VWA8: variants seen among roughly 807,000 people sequenced by gnomAD.
The protein encoded by VWA8 is von Willebrand factor A domain containing 8.
A neutral mutation model predicts 241.5 loss-of-function variants in VWA8; 221 were observed. The ratio of observed to expected loss-of-function variants is 0.91; its 90% CI spans 0.82 to 1.02. The LOEUF (loss-of-function observed/expected upper bound fraction) is 1.02. VWA8 is among the 50% of genes least tolerant of loss of function. The pLI, the probability that VWA8 is intolerant of heterozygous loss-of-function variation, is 0.00. For synonymous variants in VWA8, 852 were observed against 827.1 expected, an observed-to-expected ratio of 1.03 and a Z score of -0.52; for missense variants, 2,322 against 2,328.7, an observed-to-expected ratio of 1.00 and a Z score of 0.06.
At chr13:41,628,616 A>G (rs918111878) in intron 37 of VWA8, among the ~76,000 whole-genome samples, 1 of 152,168 alleles carries the variant, frequency 6.6e-6, no homozygotes, top group African/African-American at 2.4e-5. Context: ...AAATAAAATC[A>G]TGTTTTTTGC....
In VWA8 at chr13:41,631,642, T is replaced by C. The variant is rs182525913; in HGVS notation, c.4612-16558A>G. On this transcript the variant is annotated intron_variant, in intron 37 of 44. Transcript: ENST00000379310. ...ACCTTATTTATTCATTCTCTTCTAT[T>C]TAAATTCAAGTAGGAATGAAAGATG... Among the ~76,000 whole-genome samples the C allele has an allele frequency of 3.0e-3, 461 of 152,196 alleles. 2 individuals carry two copies. Among genetic ancestry groups the C allele is most frequent in the African/African-American group, 0.01 (429 of 41,522 alleles).
intron 4 of VWA8, among the ~76,000 whole-genome samples, chr13:41,899,143 C>A (rs929811756): frequency 2.0e-5 from 3 of 152,226 alleles, no homozygotes; most frequent in African/African-American, 7.2e-5. Context: ...TGTCACCTCT[C>A]AGTATCACTC....
chr13:41,834,781 C>T (rs1296463270), intron 12 of VWA8, among the ~76,000 whole-genome samples: 4 of 152,070 alleles, frequency 2.6e-5, no homozygotes, highest in Non-Finnish European at 5.9e-5. Flanking sequence ...TACATACATG[C>T]GTATGTTCAC....
At position 41,701,405 on chromosome 13, in the gene VWA8, A is replaced by T. The variant is rs1016539172; in HGVS notation, c.3351T>A (p.Ile1117=). 1 of 1,603,342 alleles carries T rather than the reference A, an allele frequency of 6.2e-7. No individual in the cohort carries two copies. The highest frequency in any genetic ancestry group is 8.5e-7 in the Non-Finnish European group (1 of 1,176,522). ...AAGCAGACATACCATGTGATGTAGC[A>T]ATGTCACAGATTATATTAATTTCAT... The part of the protein sequence containing the change: ...PLDEINIICD[I]ATSHENEQNT... The change falls in exon 28 of 45, where the codon ATT becomes ATA. Residue 1117 remains isoleucine (I), a synonymous_variant. Transcript: ENST00000379310.
intron 20 of VWA8, among the ~76,000 whole-genome samples, chr13:41,763,290 A>AAAATAAAT (rs59623577): frequency 0.08 from 11,203 of 139,360 alleles, 586 homozygotes; most frequent in Middle Eastern, 0.16. Flanking sequence ...TCCACCTGTA[A>AAAATAAAT]AAATAAATAA....
intron 37 of VWA8, among the ~76,000 whole-genome samples, chr13:41,650,419 T>C (rs2139687390): frequency 6.6e-6 from 1 of 152,258 alleles, no homozygotes; most frequent in East Asian, 1.9e-4. Flanking sequence ...CTAACAAGCG[T>C]AGAAACATGA....
chr13:41,926,227 T>C lies in VWA8; in HGVS notation c.242-14059A>G, dbSNP rs762926231. 79 of 691,092 alleles carry C rather than the reference T, an allele frequency of 1.1e-4. 1 individual carries two copies. The highest frequency in any genetic ancestry group is 1.6e-4 in the Non-Finnish European group (60 of 374,758). 42.8% of individuals were successfully genotyped at this position (691,092 alleles called of 1,614,324 possible). On this transcript the variant is annotated intron_variant, in intron 2 of 44. Coordinates refer to ENST00000379310, the MANE Select transcript of VWA8 (RefSeq NM_015058.2). ...ACACTGCTGTCTCCCCACATGCATA[T>C]GTTACCTCATCTTCACTGTGGCCTC...
At chr13:41,783,265 A>T (rs1262530274) in intron 19 of VWA8, among the ~76,000 whole-genome samples, 2 of 149,538 alleles carry the variant, frequency 1.3e-5, no homozygotes, top group Admixed American at 6.7e-5. Context: ...TATAAAATTT[A>T]TTACCCTAAT....
At chr13:41,952,925 C>T (rs1202804797) in intron 1 of VWA8, among the ~76,000 whole-genome samples, 1 of 151,926 alleles carries the variant, frequency 6.6e-6, no homozygotes, top group Non-Finnish European at 1.5e-5. Flanking sequence ...TCATTACCGC[C>T]CCTAGGCCTG....
At chr13:41,645,083 C>A (rs1420452641) in intron 37 of VWA8, among the ~76,000 whole-genome samples, 1 of 152,106 alleles carries the variant, frequency 6.6e-6, no homozygotes. Flanking sequence ...ACTTATTAAC[C>A]GTGTAAGGCA....
At chr13:41,727,165 G>T in intron 24 of VWA8, 29 bp downstream of exon 24, 1 of 1,478,422 alleles carries the variant, frequency 6.8e-7, no homozygotes, top group Admixed American at 2.1e-5. Flanking sequence ...TACTGCTATT[G>T]GTATTGTTAT....
chr13:41,745,031 C>T (rs752845379), intron 21 of VWA8, among the ~76,000 whole-genome samples: 11 of 151,804 alleles, frequency 7.2e-5, no homozygotes, highest in South Asian at 4.2e-4. Flanking sequence ...TTAGTAGAGA[C>T]GGGTTTCACC....
intron 24 of VWA8, among the ~76,000 whole-genome samples, chr13:41,724,870 G>A (rs542382157): frequency 7.9e-5 from 12 of 152,256 alleles, no homozygotes; most frequent in African/African-American, 2.6e-4. Flanking sequence ...TTGGAGCTGC[G>A]AGGAGAGAGA....
At chr13:41,714,180 C>T (rs1482131857) in intron 26 of VWA8, among the ~76,000 whole-genome samples, 1 of 151,896 alleles carries the variant, frequency 6.6e-6, no homozygotes, top group Non-Finnish European at 1.5e-5. Context: ...AGAAAGCCAA[C>T]ATCTAAAAAA....
intron 4 of VWA8, among the ~76,000 whole-genome samples, chr13:41,901,198 G>A (rs970141273): frequency 6.9e-6 from 1 of 144,830 alleles, no homozygotes; most frequent in Non-Finnish European, 1.5e-5. Flanking sequence ...CTGTAACCTT[G>A]AACTCCTGGC....
intron 4 of VWA8, among the ~76,000 whole-genome samples, chr13:41,905,672 G>C (rs1277718467): frequency 1.3e-5 from 2 of 151,958 alleles, no homozygotes; most frequent in African/African-American, 4.8e-5. Flanking sequence ...TTTTTTAGGA[G>C]TCCAAGTTGT....
chr13:41,640,423 A>G (rs2044788156), intron 37 of VWA8, among the ~76,000 whole-genome samples: 3 of 152,234 alleles, frequency 2.0e-5, no homozygotes, highest in Admixed American at 2.0e-4. Context: ...GAAATTTTTA[A>G]GGATATTCTC....
chr13:41,886,130 T>C, intron 7 of VWA8, 102 bp from the exon 8 acceptor site: 2 of 770,926 alleles, frequency 2.6e-6, no homozygotes, highest in Non-Finnish European at 4.1e-6. Flanking sequence ...CTAAAAAAGA[T>C]CCCTAATATT....
At chr13:41,783,306 C>A (rs963925454) in intron 19 of VWA8, among the ~76,000 whole-genome samples, 3 of 150,650 alleles carry the variant, frequency 2.0e-5, no homozygotes, top group African/African-American at 7.3e-5. Flanking sequence ...TTTTTAAGTA[C>A]CTTTGGAAAA....
Sources: allele counts gnomAD v4.1 joint callset (sites outside exome capture counted in the v4.1 genomes callset), GRCh38; gene constraint gnomAD v4.1.1; transcripts MANE v1.5; gene names NCBI Gene and HGNC (gene_info 2026-07-23, HGNC 2026-07-21).